Variants in SIK2 observed in about 807,000 individuals in gnomAD.
SIK2 encodes serine/threonine-protein kinase SIK2.
SIK2 carries 29 observed loss-of-function variants against 103.2 expected under a neutral mutation model. The ratio of observed to expected loss-of-function variants is 0.28; its 90% CI spans 0.21 to 0.38. The LOEUF (loss-of-function observed/expected upper bound fraction) is 0.38. Among genes scored for constraint, SIK2 ranks in the 10% least tolerant of loss-of-function variants. The probability of loss-of-function intolerance (pLI) is 1.00; values close to 1 mark genes in which losing one functional copy is unlikely to be tolerated. For missense variants in SIK2, 879 were observed against 1,171.0 expected (o/e 0.75, Z 3.64); for synonymous variants, 412 against 446.1 (o/e 0.92, Z 0.96).
chr11:111,612,291 T>C (rs1214591856), intron 1 of SIK2, among the ~76,000 whole-genome samples: 1 of 152,186 alleles, frequency 6.6e-6, no homozygotes, highest in Non-Finnish European at 1.5e-5. Flanking sequence ...AATTGGGAAA[T>C]AAATGAGATA....
intron 3 of SIK2, among the ~76,000 whole-genome samples, chr11:111,632,826 A>G (rs1486613767): frequency 2.0e-5 from 3 of 152,120 alleles, no homozygotes; most frequent in South Asian, 2.1e-4. Context: ...AATTTAATAT[A>G]TTAACAGTAA....
intron 3 of SIK2, among the ~76,000 whole-genome samples, chr11:111,643,682 G>A (rs879866288): frequency 5.9e-5 from 9 of 151,584 alleles, no homozygotes; most frequent in Non-Finnish European, 1.3e-4. Context: ...ATGGTGGTGC[G>A]CGCCTGTACT....
Position 111,701,647 on chromosome 11 carries a change from C to A in SIK2, c.727+72C>A. On this transcript the variant is annotated intron_variant, in intron 6 of 14. Coordinates refer to ENST00000304987, the MANE Select transcript of SIK2 (RefSeq NM_015191.3). This position sits in a 1 kb window ranked among gnomAD's most constrained non-coding sequence, Gnocchi z 4.2. ...TCCAAGTGAAATGCCTAGGTAAAAG[C>A]TTCTTTTTTTCTAAGAGTTTGGGTG... is the stretch of plus-strand genomic sequence containing the variant. The A allele has an allele frequency of 6.5e-7, 1 of 1,537,396 alleles. No individual in the cohort carries two copies. Among genetic ancestry groups the A allele is most frequent in the Non-Finnish European group, 8.8e-7 (1 of 1,138,572 alleles).
chr11:111,609,340 G>C (rs1039584564), intron 1 of SIK2, among the ~76,000 whole-genome samples: 2 of 151,408 alleles, frequency 1.3e-5, no homozygotes, highest in African/African-American at 4.9e-5. Flanking sequence ...TTTTGGGGGG[G>C]GGACAGGGTC....
chr11:111,677,129 T>C (rs1942712805), intron 3 of SIK2, among the ~76,000 whole-genome samples: 1 of 152,198 alleles, frequency 6.6e-6, no homozygotes, highest in Non-Finnish European at 1.5e-5. Context: ...TTTAATACCA[T>C]CCAGATGACA....
At chr11:111,621,531 T>C (rs1941886136) in intron 3 of SIK2, among the ~76,000 whole-genome samples, 1 of 152,282 alleles carries the variant, frequency 6.6e-6, no homozygotes, top group South Asian at 2.1e-4. Context: ...TGGTTTCAGT[T>C]TTTGGCTATT....
chr11:111,636,682 A>G (rs1312757342), intron 3 of SIK2, among the ~76,000 whole-genome samples: 1 of 152,160 alleles, frequency 6.6e-6, no homozygotes, highest in African/African-American at 2.4e-5. Flanking sequence ...TGAAGAAAGG[A>G]TACATAAATA....
intron 1 of SIK2, among the ~76,000 whole-genome samples, chr11:111,614,630 GAGAA>G (rs1941779167): frequency 1.3e-5 from 2 of 152,150 alleles, no homozygotes; most frequent in African/African-American, 2.4e-5. Flanking sequence ...TGAGGAGGAG[GAGAA>G]AGAAGAGAAG....
Position 111,723,652 on chromosome 11 carries a change from C to G in SIK2, c.2304C>G (p.Phe768Leu), listed in dbSNP as rs1486045077. ...CGCCTTCTCAGCAGGCCCCACCGTTCAGCCTGACCCAGCCCCTGAGCCCCG... is the reference window on the plus strand; with the variant it reads ...CGCCTTCTCAGCAGGCCCCACCGTTGAGCCTGACCCAGCCCCTGAGCCCCG... ...TPPPSQQAPP[F>L]SLTQPLSPVL... Residue 768 changes from phenylalanine to leucine, a missense_variant, in exon 15 of 15, where the codon TTC becomes TTG. By Grantham distance (22) the Phe-to-Leu change is conservative. Around this residue, in one of 7 missense-constraint regions of SIK2, gnomAD observed 375 missense variants for 416.3 expected, o/e 0.90. Coordinates refer to ENST00000304987, the MANE Select transcript of SIK2 (RefSeq NM_015191.3). The G allele has an allele frequency of 6.2e-7, 1 of 1,614,172 alleles. No individual in the cohort carries two copies.
chr11:111,634,222 A>G (rs374821571), intron 3 of SIK2, among the ~76,000 whole-genome samples: 9 of 152,224 alleles, frequency 5.9e-5, no homozygotes, highest in African/African-American at 2.2e-4. Flanking sequence ...GTGGTAACAT[A>G]CTAGGATGCC....
At chr11:111,633,617 C>T (rs1188618048) in intron 3 of SIK2, among the ~76,000 whole-genome samples, 1 of 152,154 alleles carries the variant, frequency 6.6e-6, no homozygotes, top group African/African-American at 2.4e-5. Flanking sequence ...TTGGCTTCCT[C>T]CAGTATACTG....
At chr11:111,603,594 C>T (rs575572463) in intron 1 of SIK2, among the ~76,000 whole-genome samples, 93 of 152,290 alleles carry the variant, frequency 6.1e-4, no homozygotes, top group African/African-American at 2.2e-3. Context: ...TCTGTTCTTA[C>T]CTAACCCGCC....
intron 3 of SIK2, among the ~76,000 whole-genome samples, chr11:111,641,842 G>A (rs543535742): frequency 6.6e-6 from 1 of 152,268 alleles, no homozygotes; most frequent in East Asian, 1.9e-4. Context: ...ATCACAGACT[G>A]GGATTCTTGT....
At chr11:111,666,072 A>T (rs1942537318) in intron 3 of SIK2, among the ~76,000 whole-genome samples, 1 of 152,236 alleles carries the variant, frequency 6.6e-6, no homozygotes. Flanking sequence ...ATGCTGAAGC[A>T]GACCTCTCAT....
At chr11:111,612,915 G>GATAGATAT (rs1312727269) in intron 1 of SIK2, among the ~76,000 whole-genome samples, 44 of 49,994 alleles carry the variant, frequency 8.8e-4, no homozygotes, top group African/African-American at 2.5e-3. Context: ...ATAGCAATGG[G>GATAGATAT]ATATATATAT....
At chr11:111,665,942 C>G (rs1204146609) in intron 3 of SIK2, among the ~76,000 whole-genome samples, 1 of 152,058 alleles carries the variant, frequency 6.6e-6, no homozygotes, top group African/African-American at 2.4e-5. Flanking sequence ...GCATTGCTCT[C>G]TAAGTTACTA....
At chr11:111,679,069 A>C (rs1942744750) in intron 3 of SIK2, among the ~76,000 whole-genome samples, 2 of 152,218 alleles carry the variant, frequency 1.3e-5, no homozygotes, top group Admixed American at 1.3e-4. Context: ...CTAAGTAGAA[A>C]GAAATCTAGA....
chr11:111,722,589 G>T lies in SIK2; in HGVS notation c.2056-76G>T. On this transcript the variant is annotated intron_variant, in intron 13 of 14. Coordinates refer to ENST00000304987, the MANE Select transcript of SIK2 (RefSeq NM_015191.3). This position sits in a 1 kb window ranked among gnomAD's most constrained non-coding sequence, Gnocchi z 4.4. ...AGAATGCAGTTAGATTCATCCTGCAGGCAGAAGCACATCTGATGACTGCAT... is the reference window on the plus strand; with the variant it reads ...AGAATGCAGTTAGATTCATCCTGCATGCAGAAGCACATCTGATGACTGCAT... The T allele has an allele frequency of 2.9e-6, 4 of 1,367,932 alleles. No homozygotes were observed. Among genetic ancestry groups the T allele is most frequent in the Non-Finnish European group, 4.1e-6 (4 of 973,576 alleles). The allele number at this position is 1,367,932 out of a possible 1,614,324, so 84.7% of individuals were successfully genotyped here. A position where few individuals can be genotyped will look rare whatever the true frequency, so the allele number is the denominator to read the frequency against.
chr11:111,685,821 C>T (rs1942837318), intron 3 of SIK2, among the ~76,000 whole-genome samples: 1 of 151,860 alleles, frequency 6.6e-6, no homozygotes, highest in Non-Finnish European at 1.5e-5. Flanking sequence ...TGTACTGCAC[C>T]CTGGGCAACA....
Sources: gnomAD v4.1 joint callset for allele counts (sites outside exome capture counted in the v4.1 genomes callset) on GRCh38, gnomAD v4.1.1 for gene constraint, gnomAD v4.1.1 regional missense constraint, Gnocchi (gnomAD v3.1) non-coding constraint, MANE v1.5 for transcripts, NCBI Gene and HGNC (gene_info 2026-07-23, HGNC 2026-07-21) for gene names.